CSNK2A2IP: variants seen among roughly 807,000 people sequenced by gnomAD.
CSNK2A2IP encodes casein kinase II subunit alpha'-interacting protein.
the CSNK2A2IP span, among the ~76,000 whole-genome samples, chr3:88,391,071 G>A: frequency 1.3e-5 from 2 of 152,142 alleles, no homozygotes; most frequent in South Asian, 4.1e-4. Flanking sequence ...CTCAGTTTCT[G>A]CTTAGGCAAA....
chr3:88,402,773 A>G, the CSNK2A2IP span, among the ~76,000 whole-genome samples: 1 of 152,072 alleles, frequency 6.6e-6, no homozygotes, highest in East Asian at 1.9e-4. Context: ...CAACTTCAGA[A>G]CAGTGATTAT....
At chr3:88,428,897 A>G in the CSNK2A2IP span, among the ~76,000 whole-genome samples, 3 of 151,754 alleles carry the variant, frequency 2.0e-5, no homozygotes, top group South Asian at 2.1e-4. Flanking sequence ...ACAGATATTT[A>G]TAATATTTAT....
chr3:88,360,694 C>G, the CSNK2A2IP span, among the ~76,000 whole-genome samples: 2 of 152,038 alleles, frequency 1.3e-5, no homozygotes, highest in African/African-American at 4.8e-5. Flanking sequence ...TAATAATAGG[C>G]AAGAACTTAC....
At chr3:88,391,108 G>C in the CSNK2A2IP span, among the ~76,000 whole-genome samples, 1 of 152,162 alleles carries the variant, frequency 6.6e-6, no homozygotes, top group Admixed American at 6.5e-5. Flanking sequence ...TTAATAGGCA[G>C]CTGCAAAGAC....
At chr3:88,355,823 G>GT in the CSNK2A2IP span, among the ~76,000 whole-genome samples, 2 of 152,060 alleles carry the variant, frequency 1.3e-5, no homozygotes, top group Non-Finnish European at 2.9e-5. Context: ...CAAATGGTCT[G>GT]TTTGCTCTTG....
At chr3:88,422,922 T>C in the CSNK2A2IP span, among the ~76,000 whole-genome samples, 1 of 152,226 alleles carries the variant, frequency 6.6e-6, no homozygotes, top group South Asian at 2.1e-4. Context: ...TATATTTAGT[T>C]TTTTTGTAAT....
At chr3:88,365,708 G>A in the CSNK2A2IP span, among the ~76,000 whole-genome samples, 1 of 152,078 alleles carries the variant, frequency 6.6e-6, no homozygotes, top group African/African-American at 2.4e-5. Flanking sequence ...ACCAGTGATA[G>A]AGAGGAACTC....
chr3:88,349,836 G>T, the CSNK2A2IP span, among the ~76,000 whole-genome samples: 1 of 152,016 alleles, frequency 6.6e-6, no homozygotes, highest in South Asian at 2.1e-4. Context: ...AGCCATTCTC[G>T]CAGGAGTAAA....
chr3:88,377,728 G>T, the CSNK2A2IP span, among the ~76,000 whole-genome samples: 1 of 151,726 alleles, frequency 6.6e-6, no homozygotes, highest in Non-Finnish European at 1.5e-5. Context: ...GAAAACTGAA[G>T]AATAAAAAAG....
the CSNK2A2IP span, among the ~76,000 whole-genome samples, chr3:88,378,944 CAT>C: frequency 6.6e-6 from 1 of 151,914 alleles, no homozygotes; most frequent in Non-Finnish European, 1.5e-5. Context: ...TAATAACAAA[CAT>C]AAAATAAATG....
At chr3:88,339,103 A>G in the CSNK2A2IP span, among the ~76,000 whole-genome samples, 2 of 152,100 alleles carry the variant, frequency 1.3e-5, no homozygotes, top group African/African-American at 4.8e-5. Context: ...TACACATTAA[A>G]TTAGTGTTAA....
the CSNK2A2IP span, among the ~76,000 whole-genome samples, chr3:88,463,213 A>G: frequency 2.6e-5 from 4 of 151,598 alleles, no homozygotes; most frequent in Middle Eastern, 3.2e-3. Context: ...CAGGCCAACG[A>G]CTTAATTGAC....
the CSNK2A2IP span, among the ~76,000 whole-genome samples, chr3:88,436,008 G>T: frequency 6.6e-6 from 1 of 151,410 alleles, no homozygotes; most frequent in Admixed American, 6.6e-5. Context: ...AAGACAGGAA[G>T]AAAACAAATT....
chr3:88,400,448 G>A, the CSNK2A2IP span, among the ~76,000 whole-genome samples: 2 of 152,172 alleles, frequency 1.3e-5, no homozygotes, highest in Non-Finnish European at 2.9e-5. Context: ...TCAAACCCAT[G>A]AGTATATTAT....
At chr3:88,398,374 T>C in the CSNK2A2IP span, among the ~76,000 whole-genome samples, 63 of 152,274 alleles carry the variant, frequency 4.1e-4, 1 homozygote, top group South Asian at 0.013. Context: ...ATACTTTCTC[T>C]CTGCCCTTGA....
At chr3:88,352,185 G>C in the CSNK2A2IP span, among the ~76,000 whole-genome samples, 1 of 151,974 alleles carries the variant, frequency 6.6e-6, no homozygotes, top group Non-Finnish European at 1.5e-5. Context: ...ATGTTTTATT[G>C]TTAGTGAGTT....
the CSNK2A2IP span, among the ~76,000 whole-genome samples, chr3:88,363,070 C>A: frequency 1.3e-5 from 2 of 152,106 alleles, no homozygotes; most frequent in African/African-American, 4.8e-5. Flanking sequence ...CAAAGTCCCA[C>A]AACACTTTTA....
the CSNK2A2IP span, among the ~76,000 whole-genome samples, chr3:88,462,118 T>A: frequency 1.7e-5 from 2 of 117,062 alleles, no homozygotes; most frequent in Admixed American, 1.3e-4. Flanking sequence ...TTTTTTCATA[T>A]ATATATATAT....
chr3:88,467,282 C>A, the CSNK2A2IP span: 1 of 400,802 alleles, frequency 2.5e-6, no homozygotes, highest in Non-Finnish European at 4.4e-6. Context: ...TCATCTTCTT[C>A]CTCCTCTTCC....
Sources: gnomAD v4.1 joint callset for allele counts (sites outside exome capture counted in the v4.1 genomes callset) on GRCh38, gnomAD v4.1.1 for gene constraint, MANE v1.5 for transcripts, NCBI Gene and HGNC (gene_info 2026-07-23, HGNC 2026-07-21) for gene names.